NBEAL2: variants seen among roughly 807,000 people sequenced by gnomAD.
NBEAL2 encodes the protein neurobeachin like 2.
In NBEAL2, 160 loss-of-function variants were observed where a neutral mutation model predicts 299.8. The ratio of observed to expected loss-of-function variants is 0.53; its 90% CI spans 0.47 to 0.61. NBEAL2 has a LOEUF of 0.61. Ranked by LOEUF, NBEAL2 falls within the 20% of genes least tolerant of loss-of-function variation. The pLI is 0.00. For missense variants in NBEAL2, 3,112 were observed against 3,649.0 expected, an observed-to-expected ratio of 0.85 and a Z score of 3.79; for synonymous variants, 1,493 against 1,542.3, an observed-to-expected ratio of 0.97 and a Z score of 0.75.
chr3:46,985,702 A>G (rs61729713), intron 1 of NBEAL2, among the ~76,000 whole-genome samples: 69,440 of 151,972 alleles, frequency 0.46, 16,202 homozygotes, highest in Middle Eastern at 0.55. Flanking sequence ...TTACCTATGG[A>G]CCCTGGAGAG....
chr3:47,006,499 C>A, intron 45 of NBEAL2, 50 bp downstream of exon 45: 1 of 1,503,388 alleles, frequency 6.7e-7, no homozygotes, highest in Non-Finnish European at 9.1e-7. Context: ...ATGGGTTTAA[C>A]CCCACTGTCC....
Position 46,993,995 on chromosome 3 carries a change from T to C in NBEAL2, c.1172T>C (p.Ile391Thr). The change falls in exon 11 of 54, where the codon ATC (isoleucine) becomes ACC (threonine). Residue 391 changes from isoleucine (I) to threonine (T), a missense_variant. This residue lies in a region of NBEAL2 where 2,243 missense variants were observed against 2,538.1 expected (regional missense o/e 0.88). Transcript: ENST00000450053. ...CATGTAGTCAGAGTGCTGACCTGCA[T>C]CATGAGTGACTCCCCCTCGGCCAAG... is the stretch of plus-strand genomic sequence containing the variant. ...AVHVVRVLTC[I>T]MSDSPSAKEV... is the part of the protein sequence containing the mutation. The C allele has an allele frequency of 3.1e-6, 5 of 1,611,776 alleles. No homozygotes were observed. Among genetic ancestry groups the C allele is most frequent in the Non-Finnish European group, 4.2e-6 (5 of 1,179,226 alleles).
In NBEAL2 at chr3:47,006,268, G is replaced by A; in HGVS notation, c.7017+6G>A. 1.2e-6 allele frequency: 2 copies of A among 1,613,216 alleles called. No homozygotes were observed. Among genetic ancestry groups the A allele is most frequent in the Non-Finnish European group, 1.7e-6 (2 of 1,179,626 alleles). ...CTCCCTGTCAGCTGCTGAAGGTAAG[G>A]CCAGCTTAGAGGATAGTGGCCAGGG... On this transcript the variant is annotated splice_donor_region_variant and intron_variant, in intron 44 of 53. Transcript: ENST00000450053.
chr3:46,996,994 A>G lies in NBEAL2; in HGVS notation c.2597A>G (p.His866Arg). ...ATCTGCCTGGACCTGTCCCCCAGTC[A>G]TGGGCTTGATGGGCGCCTGACGGGC... ...NNICLDLSPSHGLDGRLTGHR... is the reference protein window; with the variant it reads ...NNICLDLSPSRGLDGRLTGHR... Residue 866 changes from histidine to arginine, a missense_variant, in exon 18 of 54, where the codon CAT becomes CGT. Transcript: ENST00000450053. 2 of 1,613,324 alleles carry G rather than the reference A, an allele frequency of 1.2e-6. No individual in the cohort carries two copies. The highest frequency in any genetic ancestry group is 1.7e-6 in the Non-Finnish European group (2 of 1,179,802).
chr3:47,007,528 G>C lies in NBEAL2; in HGVS notation c.7338G>C (p.Thr2446=). ...SKDPTMGSHK[T]QRLLSGPWVP... is the part of the protein sequence containing the mutation. ...GCTATCCCCCTCACTGGGTCAGGAC[G>C]CAGCGACTGCTGAGTGGCCCGTGGG... The change falls in exon 48 of 54, where the codon ACG becomes ACC. Residue 2446 remains threonine, a synonymous_variant. Transcript: ENST00000450053. 1 of 1,610,992 alleles carries C rather than the reference G, an allele frequency of 6.2e-7. No homozygotes were observed. Among genetic ancestry groups the C allele is most frequent in the Non-Finnish European group, 8.5e-7 (1 of 1,178,992 alleles).
chr3:46,982,860 G>A lies in NBEAL2; in HGVS notation c.51+2948G>A, dbSNP rs1244040653. ...TCTAGAGGACTCAGAGCCCACCAGA[G>A]CTCCCCCAGGGTAGGCATAGGAAGG... On this transcript the variant is annotated intron_variant, in intron 1 of 53. Coordinates refer to ENST00000450053, the MANE Select transcript of NBEAL2 (RefSeq NM_015175.3). The surrounding 1 kb of genome is among the most constrained non-coding windows in gnomAD (Gnocchi z 4.2). 6.6e-6 allele frequency among the ~76,000 whole-genome samples: 1 copy of A among 152,126 alleles called. No homozygotes were observed. The highest frequency in any genetic ancestry group is 1.5e-5 in the Non-Finnish European group (1 of 68,016).
At chr3:47,006,773 C>T (rs1307456900) in intron 45 of NBEAL2, among the ~76,000 whole-genome samples, 2 of 152,050 alleles carry the variant, frequency 1.3e-5, no homozygotes, top group African/African-American at 2.4e-5. Flanking sequence ...TTTAGGTTTC[C>T]CTCTCTTCCT....
chr3:47,000,370 G>A lies in NBEAL2; in HGVS notation c.4271G>A (p.Ser1424Asn). ...GGCAGCCTCCCGGAGCCCACCATTAGCGGGGATGATACCTCGAACACCAGC... is the reference window on the plus strand; with the variant it reads ...GGCAGCCTCCCGGAGCCCACCATTAACGGGGATGATACCTCGAACACCAGC... ...EDGSLPEPTI[S>N]GDDTSNTSNP... The change falls in exon 27 of 54, where the codon AGC becomes AAC. Residue 1424 changes from serine to asparagine, a missense_variant. By Grantham distance (46) the Ser-to-Asn change is conservative. This residue lies in a region of NBEAL2 where 2,243 missense variants were observed against 2,538.1 expected (regional missense o/e 0.88). Coordinates refer to ENST00000450053, the MANE Select transcript of NBEAL2 (RefSeq NM_015175.3). The surrounding 1 kb of genome is among the most constrained non-coding windows in gnomAD (Gnocchi z 4.5). 1 of 1,589,374 alleles carries A rather than the reference G, an allele frequency of 6.3e-7. No individual in the cohort carries two copies.
intron 1 of NBEAL2, among the ~76,000 whole-genome samples, chr3:46,986,568 G>C (rs954489883): frequency 6.6e-6 from 1 of 152,156 alleles, no homozygotes. Context: ...GTGCTCAGTA[G>C]AGCTGCAGCT....
rs1266908700 is a variant in NBEAL2, at chr3:47,000,815, G to C, written c.4306-186G>C. On this transcript the variant is annotated intron_variant, in intron 27 of 53. Transcript: ENST00000450053. This position sits in a 1 kb window ranked among gnomAD's most constrained non-coding sequence, Gnocchi z 4.5. ...ACCCCAGGATTCTGCCTGGAACTCAGGTAGTAGTTGAGACCCCTATACCAT... is the reference window on the plus strand; with the variant it reads ...ACCCCAGGATTCTGCCTGGAACTCACGTAGTAGTTGAGACCCCTATACCAT... 3 of 850,346 alleles carry C rather than the reference G, an allele frequency of 3.5e-6. No individual in the cohort carries two copies. Among genetic ancestry groups the C allele is most frequent in the Non-Finnish European group, 5.4e-6 (3 of 559,184 alleles). 52.7% of individuals were successfully genotyped at this position (850,346 alleles called of 1,614,324 possible).
chr3:46,985,985 G>A (rs1437122203), intron 1 of NBEAL2, among the ~76,000 whole-genome samples: 3 of 152,182 alleles, frequency 2.0e-5, no homozygotes, highest in African/African-American at 4.8e-5. Context: ...CTCCCTGAGG[G>A]ACTCCCGTAC....
rs2036491833 is a variant in NBEAL2 at position 46,996,287 on chromosome 3, G to C, written c.2168G>C (p.Cys723Ser). ...GCCCCACAGCCTTTCTCCTCCTGCT[G>C]TATCGGCTCCGCTGGATACCGCACA... ...PSLSEPFSSCCIGSAGYRTTT... is the reference protein window; with the variant it reads ...PSLSEPFSSCSIGSAGYRTTT... Residue 723 changes from cysteine to serine, a missense_variant, in exon 16 of 54, where the codon TGT (cysteine) becomes TCT (serine). Cys to Ser is a moderately radical substitution (Grantham distance 112, BLOSUM62 -1). This residue lies in a region of NBEAL2 where 2,243 missense variants were observed against 2,538.1 expected (regional missense o/e 0.88). Transcript: ENST00000450053. 1 of 1,607,918 alleles carries C rather than the reference G, an allele frequency of 6.2e-7. No homozygotes were observed.
intron 1 of NBEAL2, chr3:46,987,881 C>T (rs988567535): frequency 1.5e-5 from 8 of 530,544 alleles, no homozygotes; most frequent in Non-Finnish European, 1.7e-5. Context: ...CAGGGTGCCC[C>T]GGCCCCCCCA....
At position 46,989,435 on chromosome 3, in the gene NBEAL2, C is replaced by A. The variant is rs553427955; in HGVS notation, c.473+54C>A. 2.0e-5 allele frequency: 31 copies of A among 1,563,646 alleles called. No individual in the cohort carries two copies. The East Asian group carries it at 7.2e-4, about 36-fold the overall frequency. ...CAGAGGAGGGTGGGGAGAGGATGGC[C>A]GCGCTGGGCCCAAGGAGGGGTGACG... On this transcript the variant is annotated intron_variant, in intron 5 of 53. Transcript: ENST00000450053. This position sits in a 1 kb window ranked among gnomAD's most constrained non-coding sequence, Gnocchi z 5.5.
In NBEAL2 at chr3:46,989,608, C is replaced by T. The variant is rs577292787; in HGVS notation, c.556+15C>T. On this transcript the variant is annotated intron_variant, in intron 6 of 53. Coordinates refer to ENST00000450053, the MANE Select transcript of NBEAL2 (RefSeq NM_015175.3). The surrounding 1 kb of genome is among the most constrained non-coding windows in gnomAD (Gnocchi z 5.5). ...CTTCTTCCAAGGTCAGGCCCCGCCC[C>T]TGCCCCCACTTGGCTCCACCCCCAA... 10 of 1,569,816 alleles carry T rather than the reference C, an allele frequency of 6.4e-6. No individual in the cohort carries two copies. The highest frequency in any genetic ancestry group is 2.4e-5 in the East Asian group (1 of 42,198).
intron 12 of NBEAL2, 29 bp from the exon 13 acceptor site, chr3:46,995,002 AC>A: frequency 6.6e-7 from 1 of 1,514,624 alleles, no homozygotes; most frequent in South Asian, 1.3e-5. Context: ...GCCACAGCTG[AC>A]CAGGGACTGT....
At chr3:46,981,215 C>T (rs1011961393) in intron 1 of NBEAL2, among the ~76,000 whole-genome samples, 18 of 152,158 alleles carry the variant, frequency 1.2e-4, no homozygotes, top group African/African-American at 4.3e-4. Context: ...GAGGCCGAGG[C>T]GGGCAGATCA....
Position 46,989,773 on chromosome 3 carries a change from G to A in NBEAL2, c.556+180G>A, listed in dbSNP as rs533937413. ...AAGAGAAGACATCTTGGGCTGGAGC[G>A]AGGGCCTCCCATCAGGTGGAGGGGT... On this transcript the variant is annotated intron_variant, in intron 6 of 53. Transcript: ENST00000450053. The surrounding 1 kb of genome is among the most constrained non-coding windows in gnomAD (Gnocchi z 5.5). Among the ~76,000 whole-genome samples, 59 of 152,180 alleles carry A rather than the reference G, an allele frequency of 3.9e-4. No homozygotes were observed. The South Asian group carries it at 9.5e-3, about 25-fold the overall frequency.
chr3:46,979,744 C>A lies in NBEAL2; in HGVS notation c.-118C>A. On this transcript the variant is annotated 5_prime_UTR_variant, in exon 1 of 54. Coordinates refer to ENST00000450053, the MANE Select transcript of NBEAL2 (RefSeq NM_015175.3). ...GCCGCAGACTTCCCCAGTAGTACCGCGCCGCTCCGCCCCGGAGTGACGCCC... is the reference window on the plus strand; with the variant it reads ...GCCGCAGACTTCCCCAGTAGTACCGAGCCGCTCCGCCCCGGAGTGACGCCC... The A allele has an allele frequency of 3.1e-6, 1 of 323,602 alleles. No individual in the cohort carries two copies. The highest frequency in any genetic ancestry group is 8.3e-4 in the Middle Eastern group (1 of 1,198). The allele number at this position is 323,602 out of a possible 1,614,324, so 20.0% of individuals were successfully genotyped here.
Sources: gnomAD v4.1 joint callset for allele counts (sites outside exome capture counted in the v4.1 genomes callset) on GRCh38, gnomAD v4.1.1 for gene constraint, gnomAD v4.1.1 regional missense constraint, Gnocchi (gnomAD v3.1) non-coding constraint, MANE v1.5 for transcripts, NCBI Gene and HGNC (gene_info 2026-07-23, HGNC 2026-07-21) for gene names.